The following KCND2 variants were observed in gnomAD, a reference collection of about 807,000 sequenced individuals.
KCND2 encodes potassium voltage-gated channel subfamily D member 2, also known as A-type voltage-gated potassium channel KCND2.
In KCND2, 16 loss-of-function variants were observed where a neutral mutation model predicts 54.4. The ratio of observed to expected loss-of-function variants is 0.29; its 90% CI spans 0.20 to 0.45. The LOEUF (loss-of-function observed/expected upper bound fraction) is 0.45. Ranked by LOEUF, KCND2 falls within the 20% of genes least tolerant of loss-of-function variation. The pLI is 1.00. For missense variants in KCND2, 486 were observed against 824.2 expected (o/e 0.59, Z 5.02); for synonymous variants, 317 against 310.7 (o/e 1.02, Z -0.21).
At chr7:120,314,912 T>C (rs1274966546) in intron 1 of KCND2, among the ~76,000 whole-genome samples, 1 of 152,174 alleles carries the variant, frequency 6.6e-6, no homozygotes, top group Non-Finnish European at 1.5e-5. Context: ...GTCACAGAGC[T>C]CTTTCTTTAC....
rs113887678 is a variant in KCND2, at chr7:120,590,003, TTTTTTGTTTTTGTTTTTG to T, written c.1116-142887_1116-142870del. 2.0e-5 allele frequency among the ~76,000 whole-genome samples: 3 copies of T among 152,104 alleles called. No homozygotes were observed. The East Asian group carries it at 5.8e-4, about 29-fold the overall frequency. Reference sequence around the variant, plus strand: ...TTTTCACAAAGGCTCGTTATTTCCTTTTTTTGTTTTTGTTTTTGTTTTTGTTTTTGAGACGGAGTCTCG... The same window carrying T: ...TTTTCACAAAGGCTCGTTATTTCCTTTTTTTGTTTTTGAGACGGAGTCTCG... On this transcript the variant is annotated intron_variant, in intron 1 of 5. Transcript: ENST00000331113.
chr7:120,705,313 A>C (rs1192393181), intron 1 of KCND2, among the ~76,000 whole-genome samples: 1 of 152,158 alleles, frequency 6.6e-6, no homozygotes. Context: ...GCATTCAAAA[A>C]TCATGTGCTC....
chr7:120,338,795 C>A (rs1446354310), intron 1 of KCND2, among the ~76,000 whole-genome samples: 1 of 151,964 alleles, frequency 6.6e-6, no homozygotes, highest in Non-Finnish European at 1.5e-5. Flanking sequence ...TATTTATATG[C>A]ACTCATAATT....
At chr7:120,543,124 A>G (rs1792001622) in intron 1 of KCND2, among the ~76,000 whole-genome samples, 1 of 152,078 alleles carries the variant, frequency 6.6e-6, no homozygotes. Context: ...TTTCTTTAAA[A>G]ATCCAAGCAA....
At chr7:120,339,414 A>T (rs1419046168) in intron 1 of KCND2, among the ~76,000 whole-genome samples, 2 of 152,170 alleles carry the variant, frequency 1.3e-5, no homozygotes, top group South Asian at 2.1e-4. Context: ...AGAGCTTATT[A>T]TCCTATATAC....
rs949723667 is a variant in KCND2, at chr7:120,741,613, T to C, written c.1358T>C (p.Leu453Pro). 6.2e-7 allele frequency: 1 copy of C among 1,611,706 alleles called. No homozygotes were observed. The highest frequency in any genetic ancestry group is 1.7e-5 in the Admixed American group (1 of 59,946). ...AYMQSKRNGL[L>P]SNQLQSSEDE... is the part of the protein sequence containing the mutation. ...ATGCAGAGCAAACGGAATGGTTTAC[T>C]CAGTAATCAGCTGCAGGTACAATCA... Residue 453 changes from leucine (L) to proline (P), a missense_variant, in exon 3 of 6, where the codon CTC (leucine) becomes CCC (proline). Physicochemically the swap from Leu to Pro is moderately conservative, Grantham distance 98. Coordinates refer to ENST00000331113, the MANE Select transcript of KCND2 (RefSeq NM_012281.3).
chr7:120,349,359 A>G (rs1172460307), intron 1 of KCND2, among the ~76,000 whole-genome samples: 1 of 146,914 alleles, frequency 6.8e-6, no homozygotes, highest in Non-Finnish European at 1.5e-5. Flanking sequence ...CAGACACACG[A>G]GGATGCTTTC....
intron 1 of KCND2, among the ~76,000 whole-genome samples, chr7:120,698,740 C>A (rs1297461932): frequency 2.0e-5 from 3 of 152,144 alleles, no homozygotes; most frequent in Non-Finnish European, 2.9e-5. Flanking sequence ...CTTTCCAGAT[C>A]ACAGTTACCC....
At chr7:120,356,373 G>A (rs937645498) in intron 1 of KCND2, among the ~76,000 whole-genome samples, 7 of 151,998 alleles carry the variant, frequency 4.6e-5, no homozygotes, top group African/African-American at 1.7e-4. Flanking sequence ...GCTACTATAA[G>A]GATAATAGCA....
intron 1 of KCND2, among the ~76,000 whole-genome samples, chr7:120,351,363 C>A (rs917645314): frequency 4.5e-4 from 20 of 44,326 alleles, no homozygotes; most frequent in African/African-American, 1.7e-3. Context: ...AATCGAAGAG[C>A]ATACACACAC....
intron 1 of KCND2, among the ~76,000 whole-genome samples, chr7:120,572,645 G>A (rs767308066): frequency 2.6e-5 from 4 of 152,072 alleles, no homozygotes; most frequent in Non-Finnish European, 5.9e-5. Context: ...AGCCTCCTGC[G>A]TAGCTGGAAT....
intron 1 of KCND2, among the ~76,000 whole-genome samples, chr7:120,317,690 T>C (rs1269290993): frequency 6.6e-6 from 1 of 152,210 alleles, no homozygotes; most frequent in African/African-American, 2.4e-5. Context: ...TGTGTAACTC[T>C]ATGATATGGC....
intron 1 of KCND2, among the ~76,000 whole-genome samples, chr7:120,346,195 G>T (rs947372609): frequency 1.3e-5 from 2 of 152,078 alleles, no homozygotes; most frequent in African/African-American, 4.8e-5. Flanking sequence ...TTATTTTGTT[G>T]TTGAGCTGCA....
intron 1 of KCND2, among the ~76,000 whole-genome samples, chr7:120,331,692 T>TTTTAA (rs927008775): frequency 3.4e-4 from 51 of 152,222 alleles, no homozygotes; most frequent in African/African-American, 1.2e-3. Flanking sequence ...ATATCTATAC[T>TTTTAA]TTTAATTTAT....
intron 1 of KCND2, among the ~76,000 whole-genome samples, chr7:120,409,684 T>C (rs543542769): frequency 6.6e-6 from 1 of 152,058 alleles, no homozygotes; most frequent in South Asian, 2.1e-4. Flanking sequence ...CCATACTTTT[T>C]TTTTGGTCAA....
chr7:120,468,931 C>G (rs894443674), intron 1 of KCND2, among the ~76,000 whole-genome samples: 3 of 152,002 alleles, frequency 2.0e-5, no homozygotes, highest in African/African-American at 7.2e-5. Context: ...CCCCTTGTTT[C>G]CATATTAGAA....
intron 1 of KCND2, among the ~76,000 whole-genome samples, chr7:120,616,073 A>G (rs1025874021): frequency 6.6e-5 from 10 of 152,202 alleles, no homozygotes; most frequent in African/African-American, 2.4e-4. Flanking sequence ...TCATGAACGC[A>G]TATTTTTGTT....
At chr7:120,373,188 T>G (rs1417575911) in intron 1 of KCND2, among the ~76,000 whole-genome samples, 1 of 151,910 alleles carries the variant, frequency 6.6e-6, no homozygotes, top group Non-Finnish European at 1.5e-5. Flanking sequence ...TTTCCTCATC[T>G]TGTTGCTTTC....
chr7:120,525,853 A>G lies in KCND2; in HGVS notation c.1116-207050A>G, dbSNP rs1479293682. On this transcript the variant is annotated intron_variant, in intron 1 of 5. Transcript: ENST00000331113. ...TCTTATGTTTGTTTTTAGGTACACAACCCTGTCCAAATTCTCCTTTAGAAA... is the reference window on the plus strand; with the variant it reads ...TCTTATGTTTGTTTTTAGGTACACAGCCCTGTCCAAATTCTCCTTTAGAAA... Among the ~76,000 whole-genome samples, 3 of 152,134 alleles carry G rather than the reference A, an allele frequency of 2.0e-5. No homozygotes were observed. The East Asian group carries it at 5.8e-4, about 29-fold the overall frequency.
Sources: allele counts gnomAD v4.1 joint callset (sites outside exome capture counted in the v4.1 genomes callset), GRCh38; gene constraint gnomAD v4.1.1; transcripts MANE v1.5; gene names NCBI Gene and HGNC (gene_info 2026-07-23, HGNC 2026-07-21).